NTM: variants seen among roughly 807,000 people sequenced by gnomAD.
NTM encodes IgLON family member 2.
Under a neutral mutation model 42.1 loss-of-function variants are expected in NTM, and 13 were observed. The ratio of observed to expected loss-of-function variants is 0.31; its 90% CI spans 0.20 to 0.49. The LOEUF is 0.49. Among genes scored for constraint, NTM ranks in the 20% least tolerant of loss-of-function variants. NTM has a pLI of 0.99. For synonymous variants in NTM, 187 were observed against 179.2 expected (o/e 1.04, Z -0.35); for missense variants, 373 against 452.8 (o/e 0.82, Z 1.60).
At chr11:131,529,409 G>T (rs573451082) in intron 1 of NTM, among the ~76,000 whole-genome samples, 2 of 152,328 alleles carry the variant, frequency 1.3e-5, no homozygotes, top group East Asian at 3.9e-4. Flanking sequence ...TGAACCTTGA[G>T]GGAAAAATTA....
intron 1 of NTM, chr11:131,605,611 A>G (rs1443611126): frequency 6.2e-6 from 1 of 162,132 alleles, no homozygotes; most frequent in African/African-American, 2.4e-5. Flanking sequence ...ATCCTAGTAC[A>G]GTTCCTAATC....
intron 2 of NTM, among the ~76,000 whole-genome samples, chr11:131,975,768 C>T (rs974163546): frequency 2.0e-5 from 3 of 152,208 alleles, no homozygotes; most frequent in Non-Finnish European, 1.5e-5. Context: ...CGCTCTTCCA[C>T]TTGAAAGGAA....
At chr11:131,549,753 G>A (rs954088919) in intron 1 of NTM, among the ~76,000 whole-genome samples, 8 of 152,154 alleles carry the variant, frequency 5.3e-5, no homozygotes, top group Non-Finnish European at 1.0e-4. Flanking sequence ...GCTATTACAT[G>A]CAGCCTTTAA....
At chr11:131,899,732 G>A (rs2052841189) in intron 1 of NTM, among the ~76,000 whole-genome samples, 1 of 152,080 alleles carries the variant, frequency 6.6e-6, no homozygotes, top group African/African-American at 2.4e-5. Context: ...GTTTTATTCA[G>A]ACATACTTGT....
chr11:131,696,438 G>C (rs759177274), intron 1 of NTM, among the ~76,000 whole-genome samples: 1 of 152,108 alleles, frequency 6.6e-6, no homozygotes, highest in Non-Finnish European at 1.5e-5. Flanking sequence ...CAAGTTGTAG[G>C]GGCCTTCCCT....
intron 1 of NTM, among the ~76,000 whole-genome samples, chr11:131,398,205 C>T (rs1944762124): frequency 1.3e-5 from 2 of 152,130 alleles, no homozygotes; most frequent in South Asian, 4.1e-4. Context: ...ATTATATCAT[C>T]AAATCTTCAT....
chr11:132,115,737 A>T (rs924029194), intron 2 of NTM, among the ~76,000 whole-genome samples: 1 of 152,224 alleles, frequency 6.6e-6, no homozygotes, highest in Admixed American at 6.5e-5. Flanking sequence ...ATGTTTGCTT[A>T]ATTTACAAAA....
chr11:132,258,528 T>A (rs188692271), intron 4 of NTM, among the ~76,000 whole-genome samples: 3 of 152,138 alleles, frequency 2.0e-5, no homozygotes, highest in African/African-American at 7.2e-5. Context: ...GAAGTCCAGG[T>A]CAATTACCAT....
intron 1 of NTM, among the ~76,000 whole-genome samples, chr11:131,390,885 A>C (rs1179269502): frequency 6.6e-6 from 1 of 152,150 alleles, no homozygotes; most frequent in Non-Finnish European, 1.5e-5. Flanking sequence ...CTTCAGTTTG[A>C]GAACCACCAG....
intron 1 of NTM, among the ~76,000 whole-genome samples, chr11:131,377,261 G>C (rs1942093965): frequency 6.6e-6 from 1 of 152,144 alleles, no homozygotes; most frequent in African/African-American, 2.4e-5. Context: ...TGCCTTTGGT[G>C]TATATAGGAT....
At chr11:131,662,750 A>G (rs1406722163) in intron 1 of NTM, among the ~76,000 whole-genome samples, 1 of 152,090 alleles carries the variant, frequency 6.6e-6, no homozygotes, top group Non-Finnish European at 1.5e-5. Context: ...TAGGCATTGC[A>G]TGGATGAAAA....
chr11:131,771,536 A>T (rs1459678846), intron 1 of NTM: 1 of 152,168 alleles, frequency 6.6e-6, no homozygotes, highest in Non-Finnish European at 1.5e-5. Flanking sequence ...TTTGGGCCCA[A>T]ATCTGTATTT....
intron 1 of NTM, among the ~76,000 whole-genome samples, chr11:131,425,507 C>T (rs1948043360): frequency 6.6e-6 from 1 of 152,166 alleles, no homozygotes; most frequent in Non-Finnish European, 1.5e-5. Flanking sequence ...CAAAGGCTTC[C>T]CTGAAGCCAG....
At chr11:131,960,583 C>G (rs374997666) in intron 2 of NTM, among the ~76,000 whole-genome samples, 10 of 152,142 alleles carry the variant, frequency 6.6e-5, no homozygotes, top group African/African-American at 2.4e-4. Flanking sequence ...GAATCGTGAT[C>G]AAATTGTGTT....
intron 1 of NTM, among the ~76,000 whole-genome samples, chr11:131,885,082 G>A (rs2050170252): frequency 6.6e-6 from 1 of 152,186 alleles, no homozygotes; most frequent in Non-Finnish European, 1.5e-5. Flanking sequence ...TCAGAGTAGA[G>A]CAGGGTTGAC....
At chr11:132,176,479 C>T (rs939244344) in intron 3 of NTM, among the ~76,000 whole-genome samples, 4 of 151,962 alleles carry the variant, frequency 2.6e-5, no homozygotes, top group African/African-American at 9.7e-5. Context: ...AAGATATTGT[C>T]ACATCTTGTC....
At chr11:131,656,089 C>A (rs1462046307) in intron 1 of NTM, among the ~76,000 whole-genome samples, 1 of 152,214 alleles carries the variant, frequency 6.6e-6, no homozygotes, top group Non-Finnish European at 1.5e-5. Context: ...TTTTCCTGGG[C>A]CTCAGTACTC....
At position 131,818,366 on chromosome 11, in the gene NTM, A is replaced by G. The variant is rs146386491; in HGVS notation, c.83-93198A>G. Reference sequence around the variant, plus strand: ...TATAAAGATTTTTACCTAGTGACATAGACTAAAATCTCAACAGGTGCAAAC... The same window carrying G: ...TATAAAGATTTTTACCTAGTGACATGGACTAAAATCTCAACAGGTGCAAAC... On this transcript the variant is annotated intron_variant, in intron 1 of 8. Transcript: ENST00000683400. Among the ~76,000 whole-genome samples the G allele has an allele frequency of 1.9e-3, 295 of 152,338 alleles. 5 individuals carry two copies. In the East Asian group the frequency reaches 0.045, roughly 23 times the overall value.
chr11:131,963,799 T>G (rs943845152), intron 2 of NTM, among the ~76,000 whole-genome samples: 13 of 152,220 alleles, frequency 8.5e-5, no homozygotes, highest in Admixed American at 3.3e-4. Context: ...CTTTTCTGAG[T>G]AATTTATATG....
Sources: gnomAD v4.1 joint callset for allele counts (sites outside exome capture counted in the v4.1 genomes callset) on GRCh38, gnomAD v4.1.1 for gene constraint, MANE v1.5 for transcripts, NCBI Gene and HGNC (gene_info 2026-07-23, HGNC 2026-07-21) for gene names.